N4BP2L2: variants seen among roughly 807,000 people sequenced by gnomAD.
N4BP2L2 encodes NEDD4 binding protein 2 like 2.
N4BP2L2 carries 50 observed loss-of-function variants against 56.2 expected under a neutral mutation model. That is an observed-to-expected ratio of 0.89 (90% CI 0.71 to 1.13). The LOEUF (loss-of-function observed/expected upper bound fraction) is 1.13, where lower values mean the gene tolerates loss of function less well. N4BP2L2 is among the 50% of genes most tolerant of loss of function. The probability of loss-of-function intolerance (pLI) is 0.00; values close to 1 mark genes in which losing one functional copy is unlikely to be tolerated. For missense variants in N4BP2L2, 689 were observed against 693.8 expected (o/e 0.99, Z 0.08); for synonymous variants, 203 against 223.6 (o/e 0.91, Z 0.82).
At chr13:32,443,170 A>C (rs1697858178) in exon 7 of N4BP2L2, 11 of 1,613,954 alleles carry the variant, frequency 6.8e-6, no homozygotes, top group Non-Finnish European at 9.3e-6. Flanking sequence ...GAATGAATCC[A>C]TAGTTTCAGG....
chr13:32,489,468 A>G (rs1050564725), intron 6 of N4BP2L2, among the ~76,000 whole-genome samples: 1 of 152,252 alleles, frequency 6.6e-6, no homozygotes, highest in Non-Finnish European at 1.5e-5. Context: ...CAAGCAGCAT[A>G]TATTTTAAGA....
intron 6 of N4BP2L2, among the ~76,000 whole-genome samples, chr13:32,480,040 A>G (rs952644071): frequency 6.6e-6 from 1 of 152,216 alleles, no homozygotes; most frequent in Non-Finnish European, 1.5e-5. Flanking sequence ...CCAAAATAGG[A>G]TAAAGACACA....
intron 3 of N4BP2L2, chr13:32,524,365 G>A (rs1022917826): frequency 3.3e-5 from 5 of 152,154 alleles, no homozygotes; most frequent in East Asian, 1.9e-4. Flanking sequence ...ATAAATTTCT[G>A]ATTTTACGAA....
chr13:32,458,333 G>GGGATTAC (rs2079359721), intron 6 of N4BP2L2, among the ~76,000 whole-genome samples: 1 of 152,176 alleles, frequency 6.6e-6, no homozygotes, highest in African/African-American at 2.4e-5. Flanking sequence ...CCAAAGTGCT[G>GGGATTAC]GGATTACAGG....
intron 1 of N4BP2L2, among the ~76,000 whole-genome samples, chr13:32,538,217 G>C (rs2057097404): frequency 6.6e-6 from 1 of 152,198 alleles, no homozygotes; most frequent in Non-Finnish European, 1.5e-5. Flanking sequence ...GCGAACTACA[G>C]AATGATGCAA....
chr13:32,493,918 T>C (rs1383072968), intron 6 of N4BP2L2, among the ~76,000 whole-genome samples: 1 of 152,230 alleles, frequency 6.6e-6, no homozygotes, highest in Non-Finnish European at 1.5e-5. Flanking sequence ...AGTCCTTCTA[T>C]TGACTGACTG....
chr13:32,486,487 C>T (rs1345226507), intron 6 of N4BP2L2, among the ~76,000 whole-genome samples: 1 of 151,322 alleles, frequency 6.6e-6, no homozygotes, highest in African/African-American at 2.4e-5. Flanking sequence ...ACCAGCCTGG[C>T]CAACATGGTG....
intron 2 of N4BP2L2, among the ~76,000 whole-genome samples, chr13:32,527,761 C>G (rs1212268774): frequency 6.6e-6 from 1 of 151,118 alleles, no homozygotes; most frequent in Non-Finnish European, 1.5e-5. Flanking sequence ...TACACAATTA[C>G]AGATGCTAAC....
chr13:32,527,251 T>C (rs2053284272), intron 3 of N4BP2L2, 157 bp downstream of exon 3: 3 of 717,670 alleles, frequency 4.2e-6, no homozygotes, highest in Non-Finnish European at 6.6e-6. Context: ...AGTATAATTA[T>C]CACCACCTCT....
chr13:32,511,967 T>C (rs1453938895), exon 6 of N4BP2L2: 1 of 152,194 alleles, frequency 6.6e-6, no homozygotes, highest in African/African-American at 2.4e-5. Flanking sequence ...AGAATTTCTT[T>C]CAGAATGAAG....
At chr13:32,491,533 AACTATATATAT>A (rs1417950004) in intron 6 of N4BP2L2, among the ~76,000 whole-genome samples, 1 of 147,844 alleles carries the variant, frequency 6.8e-6, no homozygotes, top group Non-Finnish European at 1.5e-5. Context: ...AAACTATATA[AACTATATATAT>A]ACTATATATA....
At chr13:32,465,321 C>G (rs375750190) in intron 6 of N4BP2L2, among the ~76,000 whole-genome samples, 12 of 152,252 alleles carry the variant, frequency 7.9e-5, no homozygotes, top group African/African-American at 2.6e-4. Flanking sequence ...AGCACAATCA[C>G]TGTGGAAAAC....
intron 6 of N4BP2L2, among the ~76,000 whole-genome samples, chr13:32,496,306 T>C (rs937249310): frequency 1.3e-5 from 2 of 152,232 alleles, no homozygotes; most frequent in Non-Finnish European, 2.9e-5. Context: ...GTCAGCTGGC[T>C]GATATGCCAT....
intron 6 of N4BP2L2, among the ~76,000 whole-genome samples, chr13:32,501,483 C>T (rs889738205): frequency 6.6e-6 from 1 of 151,464 alleles, no homozygotes; most frequent in African/African-American, 2.4e-5. Flanking sequence ...CAATACACTG[C>T]TGTGTGAAAT....
exon 6 of N4BP2L2, chr13:32,515,265 C>G (rs2048964307): frequency 6.6e-6 from 1 of 152,154 alleles, no homozygotes. Context: ...GACCCCATCT[C>G]TACAAAAAAA....
chr13:32,472,195 C>A (rs1214070167), intron 6 of N4BP2L2, among the ~76,000 whole-genome samples: 1 of 152,076 alleles, frequency 6.6e-6, no homozygotes, highest in Non-Finnish European at 1.5e-5. Context: ...TCACAAGTGA[C>A]CAAGAGGAGG....
exon 2 of N4BP2L2, chr13:32,535,990 A>G: frequency 6.2e-7 from 1 of 1,613,978 alleles, no homozygotes; most frequent in South Asian, 1.1e-5. Context: ...AGGGATGAAC[A>G]CTACTCCTAT....
At chr13:32,441,692 TAA>T (rs1566015860) in intron 7 of N4BP2L2, among the ~76,000 whole-genome samples, 13 of 25,848 alleles carry the variant, frequency 5.0e-4, no homozygotes, top group Admixed American at 3.7e-3. Context: ...CTCAAAAACA[TAA>T]ATAAATAAAT....
chr13:32,477,155 G>C (rs1239232664), intron 6 of N4BP2L2: 10 of 569,514 alleles, frequency 1.8e-5, no homozygotes, highest in Non-Finnish European at 3.0e-5. Context: ...TACACCAGCT[G>C]AGCAGTCTGA....
Sources: gnomAD v4.1 joint callset for allele counts (sites outside exome capture counted in the v4.1 genomes callset) on GRCh38, gnomAD v4.1.1 for gene constraint, MANE v1.5 for transcripts, NCBI Gene and HGNC (gene_info 2026-07-23, HGNC 2026-07-21) for gene names.